PIAS4: variants seen among roughly 807,000 people sequenced by gnomAD.
The protein encoded by PIAS4 is E3 SUMO-protein ligase PIAS4.
PIAS4 carries 7 observed loss-of-function variants against 58.0 expected under a neutral mutation model. The observed-to-expected ratio is 0.12, with a 90% CI of 0.07 to 0.23. The LOEUF (loss-of-function observed/expected upper bound fraction) is 0.23, where lower values mean the gene tolerates loss of function less well. Ranked by LOEUF, PIAS4 falls within the 10% of genes least tolerant of loss-of-function variation. The pLI is 1.00. For synonymous variants in PIAS4, 364 were observed against 312.4 expected, an observed-to-expected ratio of 1.17 and a Z score of -1.74; for missense variants, 550 against 709.5, an observed-to-expected ratio of 0.78 and a Z score of 2.55.
rs535375796 is a variant in PIAS4, at chr19:4,008,572, CCTT to C, written c.27+789_27+791del. 9.2e-5 allele frequency among the ~76,000 whole-genome samples: 14 copies of C among 152,208 alleles called. No individual in the cohort carries two copies. The South Asian group carries it at 2.9e-3, about 32-fold the overall frequency. ...TCGGACCACTCTTCTTGGTCACAGA[CCTT>C]CTTTATTCTCCTTTTTTTAATCTTA... On this transcript the variant is annotated intron_variant, in intron 1 of 10. Transcript: ENST00000262971.
chr19:4,011,341 G>C (rs1297022606), intron 1 of PIAS4, among the ~76,000 whole-genome samples: 1 of 152,250 alleles, frequency 6.6e-6, no homozygotes, highest in African/African-American at 2.4e-5. Context: ...AACCCTGCCA[G>C]CCCATCCCTC....
intron 7 of PIAS4, 79 bp downstream of exon 7, chr19:4,029,115 G>C (rs938934161): frequency 9.7e-7 from 1 of 1,035,952 alleles, no homozygotes; most frequent in Admixed American, 2.0e-5. Context: ...GAAGCGGGGG[G>C]CCCTGCACCC....
chr19:4,013,687 C>T lies in PIAS4; in HGVS notation c.454+338C>T, dbSNP rs2040023488. Among the ~76,000 whole-genome samples the T allele has an allele frequency of 6.6e-6, 1 of 152,130 alleles. No homozygotes were observed. Among genetic ancestry groups the T allele is most frequent in the African/African-American group, 2.4e-5 (1 of 41,416 alleles). ...GGAGCCACCTCATCTGGAGGCTCGA[C>T]CAGGGCTGGAGCAGGCACATCCTTG... On this transcript the variant is annotated intron_variant, in intron 2 of 10. Coordinates refer to ENST00000262971, the MANE Select transcript of PIAS4 (RefSeq NM_015897.4). This position sits in a 1 kb window ranked among gnomAD's most constrained non-coding sequence, Gnocchi z 5.1.
At chr19:4,009,956 C>T (rs1395668169) in intron 1 of PIAS4, among the ~76,000 whole-genome samples, 1 of 152,198 alleles carries the variant, frequency 6.6e-6, no homozygotes, top group East Asian at 1.9e-4. Flanking sequence ...AGGCGCCTTC[C>T]TGAGCTACCC....
chr19:4,019,977 C>A (rs2040093052), intron 2 of PIAS4, among the ~76,000 whole-genome samples: 1 of 151,534 alleles, frequency 6.6e-6, no homozygotes. Flanking sequence ...AGTGCAGCGG[C>A]AGGATCTCAG....
intron 2 of PIAS4, 78 bp from the exon 3 acceptor site, chr19:4,023,958 C>T (rs1361164291): frequency 2.2e-5 from 21 of 950,942 alleles, no homozygotes; most frequent in African/African-American, 4.8e-5. Context: ...TCTGAAGAGG[C>T]GCAGGCTGGG....
At chr19:4,017,548 C>T (rs911112460) in intron 2 of PIAS4, among the ~76,000 whole-genome samples, 2 of 152,096 alleles carry the variant, frequency 1.3e-5, no homozygotes, top group African/African-American at 4.8e-5. Context: ...GTTGGGGAAT[C>T]AGTGCTGGTA....
At position 4,028,767 on chromosome 19, in the gene PIAS4, C is replaced by T. The variant is rs1433876799; in HGVS notation, c.720C>T (p.Cys240=). ...NKPGVEPKRP[C]RPINLTHLMY... ...CCGGGGTGGAGCCCAAGAGGCCGTG[C>T]CGCCCCATCAACCTCACCCACCTCA... is the stretch of plus-strand genomic sequence containing the variant. Residue 240 remains cysteine (C), a synonymous_variant, in exon 6 of 11, where the codon TGC becomes TGT. Coordinates refer to ENST00000262971, the MANE Select transcript of PIAS4 (RefSeq NM_015897.4). 12 of 1,613,180 alleles carry T rather than the reference C, an allele frequency of 7.4e-6. No homozygotes were observed. The highest frequency in any genetic ancestry group is 9.3e-6 in the Non-Finnish European group (11 of 1,179,854).
chr19:4,037,330 T>TGGGGGGGGGGGGGGGGGGGGGGGGGG lies in PIAS4; in HGVS notation c.1143-40_1143-39insGGGGGGGGGGGGGGGGGGGGGGGGGG. 1 of 957,618 alleles carries TGGGGGGGGGGGGGGGGGGGGGGGGGG rather than the reference T, an allele frequency of 1.0e-6. No individual in the cohort carries two copies. Among genetic ancestry groups the TGGGGGGGGGGGGGGGGGGGGGGGGGG allele is most frequent in the Non-Finnish European group, 1.5e-6 (1 of 667,674 alleles). The allele number at this position is 957,618 out of a possible 1,614,324, so 59.3% of individuals were successfully genotyped here. ...ATGGAGGGCTGGGGAGTTGGGGGGG[T>TGGGGGGGGGGGGGGGGGGGGGGGGGG]GGGGCACCTCCAGCCCCGGCGTCAG... On this transcript the variant is annotated intron_variant, in intron 9 of 10. Coordinates refer to ENST00000262971, the MANE Select transcript of PIAS4 (RefSeq NM_015897.4). This position sits in a 1 kb window ranked among gnomAD's most constrained non-coding sequence, Gnocchi z 5.8.
chr19:4,032,970 C>T (rs1315883043), intron 7 of PIAS4, 130 bp from the exon 8 acceptor site: 7 of 721,004 alleles, frequency 9.7e-6, no homozygotes, highest in Middle Eastern at 2.4e-4. Flanking sequence ...AGCCACACAG[C>T]GAAGCTTGGG....
At chr19:4,025,146 C>G (rs1022926178) in intron 3 of PIAS4, among the ~76,000 whole-genome samples, 3 of 152,242 alleles carry the variant, frequency 2.0e-5, no homozygotes. Flanking sequence ...ATGGTTCCCT[C>G]GGTGGGGCCG....
chr19:4,029,859 G>T (rs2040206216), intron 7 of PIAS4, among the ~76,000 whole-genome samples: 1 of 116,228 alleles, frequency 8.6e-6, no homozygotes, highest in South Asian at 2.9e-4. Flanking sequence ...GTCTCACTCT[G>T]TTGCCCAGGC....
At chr19:4,019,006 G>A (rs2040081515) in intron 2 of PIAS4, among the ~76,000 whole-genome samples, 1 of 152,104 alleles carries the variant, frequency 6.6e-6, no homozygotes, top group Non-Finnish European at 1.5e-5. Flanking sequence ...GTCTCCTGCG[G>A]AGCCATCCCA....
rs139150317 is a variant in PIAS4, at chr19:4,033,555, C to T, written c.1117C>T (p.Pro373Ser). The change falls in exon 9 of 11, where the codon CCC becomes TCC. Residue 373 changes from proline (P) to serine (S), a missense_variant. Transcript: ENST00000262971. ...GTGCCCCGTGTGCGACAAGCCAGCC[C>T]CCTACGACCAGCTCATCATCGACGG... is the stretch of plus-strand genomic sequence containing the variant. ...WMCPVCDKPAPYDQLIIDGLL... is the reference protein window; with the variant it reads ...WMCPVCDKPASYDQLIIDGLL... 1.2e-4 allele frequency: 195 copies of T among 1,609,538 alleles called. 1 individual carries two copies. In the African/African-American group the frequency reaches 2.4e-3, roughly 20 times the overall value.
intron 1 of PIAS4, among the ~76,000 whole-genome samples, chr19:4,012,699 T>C (rs536842333): frequency 3.2e-4 from 48 of 149,940 alleles, no homozygotes; most frequent in Non-Finnish European, 6.2e-4. Flanking sequence ...GCGCTTTTGC[T>C]GCGTTGGCGA....
At chr19:4,021,355 C>T (rs1230907949) in intron 2 of PIAS4, among the ~76,000 whole-genome samples, 1 of 151,990 alleles carries the variant, frequency 6.6e-6, no homozygotes, top group African/African-American at 2.4e-5. Context: ...CCATATTGTC[C>T]AGGCTGGTCT....
At position 4,038,170 on chromosome 19, in the gene PIAS4, G is replaced by T; in HGVS notation, c.*295G>T. ...CGCCTCCCCGGCTGGAGTCCGAGCC[G>T]GGAAGGGGTAGTGGGCGGGAGGGAC... On this transcript the variant is annotated 3_prime_UTR_variant, in exon 11 of 11. Transcript: ENST00000262971. This position sits in a 1 kb window ranked among gnomAD's most constrained non-coding sequence, Gnocchi z 4.1. 2.7e-6 allele frequency: 1 copy of T among 368,732 alleles called. No individual in the cohort carries two copies. Among genetic ancestry groups the T allele is most frequent in the East Asian group, 6.9e-5 (1 of 14,526 alleles). 22.8% of individuals were successfully genotyped at this position (368,732 alleles called of 1,614,324 possible). A position where few individuals can be genotyped will look rare whatever the true frequency, so the allele number is the denominator to read the frequency against.
chr19:4,037,308 G>T lies in PIAS4; in HGVS notation c.1143-66G>T. Reference sequence around the variant, plus strand: ...TGCCTGGCTGCATCCGGGAGGGATGGAGGGCTGGGGAGTTGGGGGGGTGGG... The same window carrying T: ...TGCCTGGCTGCATCCGGGAGGGATGTAGGGCTGGGGAGTTGGGGGGGTGGG... On this transcript the variant is annotated intron_variant, in intron 9 of 10. Transcript: ENST00000262971. The surrounding 1 kb of genome is among the most constrained non-coding windows in gnomAD (Gnocchi z 5.8). 1 of 1,543,496 alleles carries T rather than the reference G, an allele frequency of 6.5e-7. No homozygotes were observed. The highest frequency in any genetic ancestry group is 8.7e-7 in the Non-Finnish European group (1 of 1,143,424).
rs376284633 is a variant in PIAS4 at position 4,037,348 on chromosome 19, G to A, written c.1143-26G>A. 43 of 1,586,518 alleles carry A rather than the reference G, an allele frequency of 2.7e-5. No homozygotes were observed. Among genetic ancestry groups the A allele is most frequent in the East Asian group, 9.0e-5 (4 of 44,352 alleles). On this transcript the variant is annotated intron_variant, in intron 9 of 10. Transcript: ENST00000262971. The surrounding 1 kb of genome is among the most constrained non-coding windows in gnomAD (Gnocchi z 5.8). Reference sequence around the variant, plus strand: ...GGGGGGGTGGGGCACCTCCAGCCCCGGCGTCAGCTGTCCGCCTCGCCCCAG... The same window carrying A: ...GGGGGGGTGGGGCACCTCCAGCCCCAGCGTCAGCTGTCCGCCTCGCCCCAG...
Sources: allele counts gnomAD v4.1 joint callset (sites outside exome capture counted in the v4.1 genomes callset), GRCh38; gene constraint gnomAD v4.1.1; non-coding constraint Gnocchi (gnomAD v3.1); transcripts MANE v1.5; gene names NCBI Gene and HGNC (gene_info 2026-07-23, HGNC 2026-07-21).